Variants in PCDHA11 observed in about 807,000 individuals in gnomAD.
The protein encoded by PCDHA11 is protocadherin alpha-11.
A neutral mutation model predicts 70.3 loss-of-function variants in PCDHA11; 61 were observed. The observed-to-expected ratio is 0.87, with a 90% CI of 0.71 to 1.07. The LOEUF (loss-of-function observed/expected upper bound fraction) is 1.07. PCDHA11 is among the 50% of genes least tolerant of loss of function. PCDHA11 has a pLI of 0.00. For synonymous variants in PCDHA11, 633 were observed against 555.1 expected (o/e 1.14, Z -1.97); for missense variants, 1,324 against 1,237.5 (o/e 1.07, Z -1.05).
chr5:140,888,558 C>T (rs782768307), intron 1 of PCDHA11, among the ~76,000 whole-genome samples: 6 of 152,188 alleles, frequency 3.9e-5, no homozygotes, highest in Non-Finnish European at 7.3e-5. Flanking sequence ...TTATTCCTTT[C>T]AAGGCTTCAT....
At chr5:140,930,675 A>G (rs1326713897) in intron 1 of PCDHA11, among the ~76,000 whole-genome samples, 2 of 152,234 alleles carry the variant, frequency 1.3e-5, no homozygotes, top group Non-Finnish European at 2.9e-5. Flanking sequence ...TATTCTAGGC[A>G]ATAAGGGGAA....
In PCDHA11 at chr5:140,869,227, G is replaced by C. The variant is rs782048898; in HGVS notation, c.124G>C (p.Gly42Arg). ...CTCCGTCTCGGAGGAGGCCAAACAC[G>C]GCACCTTCGTGGGCCGCATCGCGCA... ...HYSVSEEAKH[G>R]TFVGRIAQDL... Residue 42 changes from glycine to arginine, a missense_variant, in exon 1 of 4, where the codon GGC (glycine) becomes CGC (arginine). Coordinates refer to ENST00000398640, the MANE Select transcript of PCDHA11 (RefSeq NM_018902.5). 6.2e-7 allele frequency: 1 copy of C among 1,613,788 alleles called. No individual in the cohort carries two copies. Among genetic ancestry groups the C allele is most frequent in the South Asian group, 1.1e-5 (1 of 91,064 alleles).
intron 1 of PCDHA11, among the ~76,000 whole-genome samples, chr5:140,879,613 T>C (rs2058057940): frequency 6.6e-6 from 1 of 152,200 alleles, no homozygotes; most frequent in Non-Finnish European, 1.5e-5. Context: ...TGTGTCCAGG[T>C]ACTTAGGTGG....
chr5:140,876,587 T>C (rs201129017), intron 1 of PCDHA11: 1 of 1,614,208 alleles, frequency 6.2e-7, no homozygotes, highest in African/African-American at 1.3e-5. Context: ...ATTGCCCTGA[T>C]TAGCGTGTCG....
chr5:140,905,154 A>C (rs2071632233), intron 1 of PCDHA11, among the ~76,000 whole-genome samples: 1 of 152,040 alleles, frequency 6.6e-6, no homozygotes, highest in Admixed American at 6.6e-5. Context: ...ATATTTTAGA[A>C]TTTTCATGGT....
intron 1 of PCDHA11, among the ~76,000 whole-genome samples, chr5:140,892,640 T>C (rs1250881102): frequency 2.0e-5 from 3 of 152,208 alleles, no homozygotes; most frequent in Non-Finnish European, 4.4e-5. Flanking sequence ...ATTGTACATA[T>C]TTATAGGATA....
intron 3 of PCDHA11, among the ~76,000 whole-genome samples, chr5:140,983,358 T>C (rs1374842008): frequency 6.6e-6 from 1 of 152,224 alleles, no homozygotes; most frequent in Non-Finnish European, 1.5e-5. Context: ...GTAATAGAAA[T>C]ATGGCTTTGG....
At chr5:140,933,863 A>G (rs2089469278) in intron 1 of PCDHA11, among the ~76,000 whole-genome samples, 1 of 151,666 alleles carries the variant, frequency 6.6e-6, no homozygotes, top group Non-Finnish European at 1.5e-5. Context: ...ATTTTTTCAG[A>G]TATATGTTAG....
chr5:140,881,445 A>C, intron 1 of PCDHA11: 1 of 783,070 alleles, frequency 1.3e-6, no homozygotes, highest in Non-Finnish European at 1.6e-6. Flanking sequence ...TAAAAACAGA[A>C]TCCAAAACCT....
chr5:140,918,579 G>A (rs1396239560), intron 1 of PCDHA11, among the ~76,000 whole-genome samples: 1 of 152,112 alleles, frequency 6.6e-6, no homozygotes, highest in Admixed American at 6.5e-5. Flanking sequence ...GCTGCTATTG[G>A]CTATATGTTC....
chr5:140,873,548 T>C lies in PCDHA11; in HGVS notation c.2391+2054T>C, dbSNP rs1434309989. ...GCATTCTATGGTATAAAATTATAAT[T>C]TCAATTTATTTTCTAGTTTGGTTGT... On this transcript the variant is annotated intron_variant, in intron 1 of 3. Coordinates refer to ENST00000398640, the MANE Select transcript of PCDHA11 (RefSeq NM_018902.5). Among the ~76,000 whole-genome samples, 5 of 151,990 alleles carry C rather than the reference T, an allele frequency of 3.3e-5. No individual in the cohort carries two copies. In the East Asian group the frequency reaches 7.7e-4, roughly 23 times the overall value.
rs371718634 is a variant in PCDHA11, at chr5:140,884,469, C to G, written c.2391+12975C>G. ...CCGCCCACCGAGGGCGCGTGCGCGCCGGGCAAGCCCACTCTAGTGTGCTCC... is the reference window on the plus strand; with the variant it reads ...CCGCCCACCGAGGGCGCGTGCGCGCGGGGCAAGCCCACTCTAGTGTGCTCC... On this transcript the variant is annotated intron_variant, in intron 1 of 3. Coordinates refer to ENST00000398640, the MANE Select transcript of PCDHA11 (RefSeq NM_018902.5). 7.7e-5 allele frequency: 124 copies of G among 1,613,648 alleles called. 1 individual carries two copies. The highest frequency in any genetic ancestry group is 9.6e-5 in the Non-Finnish European group (113 of 1,179,828).
At chr5:140,884,396 C>G in intron 1 of PCDHA11, 1 of 1,614,012 alleles carries the variant, frequency 6.2e-7, no homozygotes, top group Non-Finnish European at 8.5e-7. Flanking sequence ...GGTGTCCAGC[C>G]TGTTGGTGCT....
intron 1 of PCDHA11, 119 bp from the exon 2 acceptor site, chr5:140,978,830 C>A: frequency 1.3e-6 from 2 of 1,535,340 alleles, no homozygotes; most frequent in Non-Finnish European, 1.8e-6. Context: ...TGAAATGGCT[C>A]ATTCAATACT....
chr5:140,946,142 CAAAT>C (rs1214309556), intron 1 of PCDHA11, among the ~76,000 whole-genome samples: 1 of 151,910 alleles, frequency 6.6e-6, no homozygotes, highest in Non-Finnish European at 1.5e-5. Context: ...AGTAAGAAAA[CAAAT>C]AACACGATTT....
intron 1 of PCDHA11, chr5:140,967,039 G>GCTGGAC (rs1192512561): frequency 1.2e-6 from 2 of 1,611,626 alleles, no homozygotes; most frequent in Non-Finnish European, 1.7e-6. Flanking sequence ...GCTACCTGGA[G>GCTGGAC]CTGGACCTGA....
chr5:140,952,724 C>G (rs1481919445), intron 1 of PCDHA11, among the ~76,000 whole-genome samples: 1 of 152,100 alleles, frequency 6.6e-6, no homozygotes, highest in Non-Finnish European at 1.5e-5. Context: ...ATTTTCTGTA[C>G]TAGTCTTTTC....
intron 1 of PCDHA11, among the ~76,000 whole-genome samples, chr5:140,941,906 GC>G: frequency 6.6e-6 from 1 of 152,248 alleles, no homozygotes; most frequent in South Asian, 2.1e-4. Context: ...ACATTGAAAT[GC>G]TTTTATGTAT....
chr5:140,953,050 A>C (rs1169479924), intron 1 of PCDHA11, among the ~76,000 whole-genome samples: 1 of 152,122 alleles, frequency 6.6e-6, no homozygotes, highest in African/African-American at 2.4e-5. Flanking sequence ...TGATCCAATC[A>C]CCTCTCACAG....
Sources: gnomAD v4.1 joint callset for allele counts (sites outside exome capture counted in the v4.1 genomes callset) on GRCh38, gnomAD v4.1.1 for gene constraint, MANE v1.5 for transcripts, NCBI Gene and HGNC (gene_info 2026-07-23, HGNC 2026-07-21) for gene names.